The following HDGFL3 variants were observed in gnomAD, a reference collection of about 807,000 sequenced individuals.
HDGFL3 encodes hepatoma-derived growth factor-related protein 3.
HDGFL3 carries 6 observed loss-of-function variants against 27.6 expected under a neutral mutation model. The observed-to-expected ratio is 0.22, with a 90% confidence interval of 0.12 to 0.43. HDGFL3 has a LOEUF of 0.43. Among genes scored for constraint, HDGFL3 ranks in the 20% least tolerant of loss-of-function variants. HDGFL3 has a pLI of 1.00. For synonymous variants in HDGFL3, 88 were observed against 88.9 expected (o/e 0.99, Z 0.05); for missense variants, 207 against 250.1 (o/e 0.83, Z 1.16).
chr15:83,200,912 T>C (rs935178772), intron 1 of HDGFL3, among the ~76,000 whole-genome samples: 1 of 151,630 alleles, frequency 6.6e-6, no homozygotes, highest in Non-Finnish European at 1.5e-5. Flanking sequence ...TACAGATGGT[T>C]ATTTACCAGA....
intron 3 of HDGFL3, chr15:83,121,989 C>T: frequency 6.2e-7 from 1 of 1,610,752 alleles, no homozygotes; most frequent in Non-Finnish European, 8.5e-7. Flanking sequence ...GTTTTTGTGC[C>T]AGGAAACATT....
At chr15:83,141,722 T>C (rs1398814008) in intron 5 of HDGFL3, among the ~76,000 whole-genome samples, 1 of 152,234 alleles carries the variant, frequency 6.6e-6, no homozygotes, top group Non-Finnish European at 1.5e-5. Context: ...GTGCTGGGGT[T>C]ACAGGTGTGA....
intron 1 of HDGFL3, among the ~76,000 whole-genome samples, chr15:83,194,256 A>G (rs1316422338): frequency 2.0e-5 from 3 of 152,228 alleles, no homozygotes; most frequent in African/African-American, 7.2e-5. Flanking sequence ...AAATTTGGAC[A>G]TACATGAGCC....
At chr15:83,191,355 A>G (rs908637121) in intron 1 of HDGFL3, among the ~76,000 whole-genome samples, 1 of 152,212 alleles carries the variant, frequency 6.6e-6, no homozygotes. Flanking sequence ...GAATATACCT[A>G]AAATATATGT....
At chr15:83,140,335 T>C (rs183182158) in intron 5 of HDGFL3, among the ~76,000 whole-genome samples, 2,207 of 152,174 alleles carry the variant, frequency 0.015, 24 homozygotes, top group Non-Finnish European at 0.022. Flanking sequence ...ACTTAAAAAA[T>C]GGAGTGCCTG....
At chr15:83,160,969 G>C (rs573884637) in intron 2 of HDGFL3, among the ~76,000 whole-genome samples, 6 of 152,220 alleles carry the variant, frequency 3.9e-5, no homozygotes, top group African/African-American at 1.4e-4. Flanking sequence ...ATTGAATCCA[G>C]AAATAATTTA....
intron 2 of HDGFL3, among the ~76,000 whole-genome samples, chr15:83,162,918 T>C (rs2037119034): frequency 1.3e-5 from 2 of 152,238 alleles, no homozygotes; most frequent in African/African-American, 4.8e-5. Flanking sequence ...CCGTTCCTAG[T>C]GTGTCAAAGA....
At chr15:83,119,440 C>A in intron 3 of HDGFL3, 1 of 918,742 alleles carries the variant, frequency 1.1e-6, no homozygotes, top group Non-Finnish European at 1.7e-6. Context: ...ATGTTCCTAC[C>A]AATTTTGAAG....
chr15:83,163,018 G>T (rs927094491), intron 2 of HDGFL3, among the ~76,000 whole-genome samples: 1 of 152,118 alleles, frequency 6.6e-6, no homozygotes, highest in Non-Finnish European at 1.5e-5. Flanking sequence ...GAGTTGCCCA[G>T]CTAGAGACTG....
At chr15:83,166,610 G>A (rs1008182569) in intron 1 of HDGFL3, among the ~76,000 whole-genome samples, 3 of 152,106 alleles carry the variant, frequency 2.0e-5, no homozygotes, top group African/African-American at 7.2e-5. Flanking sequence ...AGAAGAACCC[G>A]AGACAGGGTA....
intron 1 of HDGFL3, chr15:83,185,795 T>A (rs2037434722): frequency 6.6e-6 from 1 of 152,252 alleles, no homozygotes; most frequent in Non-Finnish European, 1.5e-5. Context: ...TCCTTGAGTA[T>A]GTGCTGGATC....
downstream of HDGFL3, chr15:83,124,893 CCATTCCTCCCATCA>C (rs1400799220): frequency 3.5e-6 from 3 of 861,212 alleles, no homozygotes; most frequent in Admixed American, 7.0e-5. Flanking sequence ...AACTAACAAA[CCATTCCTCCCATCA>C]AAGCCTGGAG....
chr15:83,180,476 G>C (rs966843529), intron 1 of HDGFL3, among the ~76,000 whole-genome samples: 2 of 152,014 alleles, frequency 1.3e-5, no homozygotes, highest in Non-Finnish European at 2.9e-5. Flanking sequence ...ATGTGATGTT[G>C]TTATAAAAAT....
At chr15:83,200,742 C>T (rs1395547573) in intron 1 of HDGFL3, among the ~76,000 whole-genome samples, 1 of 152,110 alleles carries the variant, frequency 6.6e-6, no homozygotes, top group Non-Finnish European at 1.5e-5. Flanking sequence ...GAATGAAGTA[C>T]TTGTCTTTTA....
At chr15:83,166,959 G>C (rs1318906356) in intron 1 of HDGFL3, among the ~76,000 whole-genome samples, 3 of 152,170 alleles carry the variant, frequency 2.0e-5, no homozygotes, top group South Asian at 4.2e-4. Flanking sequence ...ATATGGGCAG[G>C]GACACAAATC....
At chr15:83,126,750 C>T (rs200851635), downstream of HDGFL3, 16 of 1,607,982 alleles carry the variant, frequency 1.0e-5, no homozygotes, top group Admixed American at 2.2e-4. Flanking sequence ...TATTTTTGTC[C>T]TTAGATTGCT....
At position 83,136,495 on chromosome 15, in the gene HDGFL3, C is replaced by T. The variant is rs749696147; in HGVS notation, c.*2775G>A. 4 of 1,581,230 alleles carry T rather than the reference C, an allele frequency of 2.5e-6. No individual in the cohort carries two copies. In the East Asian group the frequency reaches 8.9e-5, roughly 35 times the overall value. On this transcript the variant is annotated 3_prime_UTR_variant, in exon 6 of 6. Coordinates refer to ENST00000299633, the MANE Select transcript of HDGFL3 (RefSeq NM_016073.4). ...AAATGCAACAGGCTCAGTTTTCTCA[C>T]ATTGGTGCATCTCTTCATGCTAGAA...
rs1479148674 is a variant in HDGFL3 at position 83,138,387 on chromosome 15, AACAATAATGTACAC to A, written c.*869_*882del. The A allele has an allele frequency of 1.3e-5, 2 of 152,398 alleles. No homozygotes were observed. Among genetic ancestry groups the A allele is most frequent in the African/African-American group, 4.8e-5 (2 of 41,470 alleles). 9.4% of individuals were successfully genotyped at this position (152,398 alleles called of 1,614,324 possible). ...TAAAATTCTCTATTATCACAATAGC[AACAATAATGTACAC>A]ATAATAATGGTTTAAGGATGAATAT... On this transcript the variant is annotated 3_prime_UTR_variant, in exon 6 of 6. Coordinates refer to ENST00000299633, the MANE Select transcript of HDGFL3 (RefSeq NM_016073.4).
chr15:83,177,156 T>C (rs1342530437), intron 1 of HDGFL3, among the ~76,000 whole-genome samples: 1 of 152,216 alleles, frequency 6.6e-6, no homozygotes, highest in Non-Finnish European at 1.5e-5. Flanking sequence ...TGACCTCAAA[T>C]GATCCATCCG....
Sources: allele counts gnomAD v4.1 joint callset (sites outside exome capture counted in the v4.1 genomes callset), GRCh38; gene constraint gnomAD v4.1.1; transcripts MANE v1.5; gene names NCBI Gene and HGNC (gene_info 2026-07-23, HGNC 2026-07-21).